Variants in HBS1L observed in about 807,000 individuals in gnomAD.
HBS1L encodes HBS1 like translational GTPase.
HBS1L carries 55 observed loss-of-function variants against 88.9 expected under a neutral mutation model. The ratio of observed to expected loss-of-function variants is 0.62; its 90% CI spans 0.50 to 0.77. The LOEUF is 0.77. Among genes scored for constraint, HBS1L ranks in the 30% least tolerant of loss-of-function variants. The pLI, the probability that HBS1L is intolerant of heterozygous loss-of-function variation, is 0.00. For missense variants in HBS1L, 741 were observed against 829.3 expected (o/e 0.89, Z 1.31); for synonymous variants, 267 against 288.5 (o/e 0.93, Z 0.76).
intron 4 of HBS1L, among the ~76,000 whole-genome samples, chr6:135,032,046 G>A (rs1459291806): frequency 6.6e-6 from 1 of 151,582 alleles, no homozygotes; most frequent in African/African-American, 2.4e-5. Context: ...CTTAAAGAGT[G>A]TTTCTATGTG....
intron 4 of HBS1L, among the ~76,000 whole-genome samples, chr6:135,016,742 A>C (rs909779577): frequency 5.3e-5 from 8 of 150,232 alleles, no homozygotes; most frequent in Admixed American, 3.3e-4. Flanking sequence ...GAGTTCCAGA[A>C]GTTTATTTTA....
intron 2 of HBS1L, among the ~76,000 whole-genome samples, chr6:135,047,081 T>C (rs1233564234): frequency 6.6e-6 from 1 of 152,136 alleles, no homozygotes; most frequent in Non-Finnish European, 1.5e-5. Flanking sequence ...GAAAAGTAAC[T>C]CTCAGAGTCA....
Position 135,050,636 on chromosome 6 carries a change from C to A in HBS1L, c.55G>T (p.Asp19Tyr), listed in dbSNP as rs772534723. ...TCTACAGACTGGCCGTAGAGATCATCATCTTCAAAATCTAAAATAAAGACA... is the reference window on the plus strand; with the variant it reads ...TCTACAGACTGGCCGTAGAGATCATAATCTTCAAAATCTAAAATAAAGACA... ...GYNYDEDFED[D>Y]DLYGQSVEDD... is the part of the protein sequence containing the mutation. Residue 19 changes from aspartate (D) to tyrosine (Y), a missense_variant, in exon 2 of 18, where the codon GAT becomes TAT. This residue lies in a region of HBS1L where 556 missense variants were observed against 598.4 expected (regional missense o/e 0.93). Coordinates refer to ENST00000367837, the MANE Select transcript of HBS1L (RefSeq NM_006620.4). 4 of 1,588,004 alleles carry A rather than the reference C, an allele frequency of 2.5e-6. No individual in the cohort carries two copies. The Admixed American group carries it at 7.0e-5, about 28-fold the overall frequency.
In HBS1L at chr6:134,962,096, C is replaced by T. The variant is rs904429743; in HGVS notation, c.*3183G>A. 2.0e-5 allele frequency: 3 copies of T among 152,124 alleles called. No homozygotes were observed. The highest frequency in any genetic ancestry group is 4.4e-5 in the Non-Finnish European group (3 of 68,018). The allele number at this position is 152,124 out of a possible 1,614,324, so 9.4% of individuals were successfully genotyped here. A position where few individuals can be genotyped will look rare whatever the true frequency, so the allele number is the denominator to read the frequency against. ...CGAGGAAAGGATGAATGTTTTTCTA[C>T]TTACATATTTCTATAAATATTTTAG... On this transcript the variant is annotated 3_prime_UTR_variant, in exon 18 of 18. Coordinates refer to ENST00000367837, the MANE Select transcript of HBS1L (RefSeq NM_006620.4).
At chr6:134,981,735 T>C (rs1774836998) in intron 13 of HBS1L, among the ~76,000 whole-genome samples, 1 of 151,824 alleles carries the variant, frequency 6.6e-6, no homozygotes, top group Non-Finnish European at 1.5e-5. Context: ...GAAGCCAGAA[T>C]AAAAGAGGTA....
chr6:135,050,747 T>C (rs749085354), intron 1 of HBS1L, 100 bp from the exon 2 acceptor site: 1 of 735,166 alleles, frequency 1.4e-6, no homozygotes, highest in Non-Finnish European at 2.2e-6. Flanking sequence ...ATAAACTGTT[T>C]ATCAAAATTT....
intron 13 of HBS1L, 176 bp downstream of exon 13, chr6:134,982,282 G>C: frequency 5.3e-6 from 3 of 567,824 alleles, no homozygotes; most frequent in Non-Finnish European, 9.5e-6. Flanking sequence ...AATCACAACA[G>C]AAAAAAATCG....
chr6:134,994,622 A>G (rs1484951608), intron 7 of HBS1L, among the ~76,000 whole-genome samples: 1 of 152,148 alleles, frequency 6.6e-6, no homozygotes, highest in Admixed American at 6.5e-5. Flanking sequence ...TACACATTAT[A>G]CACATAGCCT....
Position 135,011,084 on chromosome 6 carries a change from T to C in HBS1L, c.431-8242A>G, listed in dbSNP as rs1775759746. On this transcript the variant is annotated intron_variant, in intron 4 of 17. Transcript: ENST00000367837. ...ATACTGGGAACACTGGCAATTCATT[T>C]GGAGAAAAGGCTCTATCATATATAC... Among the ~76,000 whole-genome samples, 2 of 152,192 alleles carry C rather than the reference T, an allele frequency of 1.3e-5. 1 individual carries two copies. The highest frequency in any genetic ancestry group is 4.1e-4 in the South Asian group (2 of 4,828).
intron 16 of HBS1L, 101 bp downstream of exon 16, chr6:134,969,137 T>A: frequency 4.1e-6 from 3 of 725,160 alleles, no homozygotes; most frequent in Non-Finnish European, 7.2e-6. Flanking sequence ...CAAGTAAAAA[T>A]GGGTTTCACT....
chr6:134,968,491 TGCCCGCCTTGGCCTCTCAAAGTGCTAG>T (rs1388544544), intron 16 of HBS1L, among the ~76,000 whole-genome samples: 2 of 152,156 alleles, frequency 1.3e-5, no homozygotes, highest in African/African-American at 4.8e-5. Flanking sequence ...TCAGGTGATC[TGCCCGCCTTGGCCTCTCAAAGTGCTAG>T]GATTACAGGC....
chr6:134,983,348 T>C (rs1253745080), intron 12 of HBS1L: 1 of 152,130 alleles, frequency 6.6e-6, no homozygotes, highest in Non-Finnish European at 1.5e-5. Context: ...ATTTCTGTCT[T>C]AGAGTAGAGG....
intron 13 of HBS1L, among the ~76,000 whole-genome samples, chr6:134,980,196 C>T (rs1397097784): frequency 6.6e-6 from 1 of 151,940 alleles, no homozygotes; most frequent in African/African-American, 2.4e-5. Flanking sequence ...ATAATCCACC[C>T]ATATCTTTCT....
intron 4 of HBS1L, among the ~76,000 whole-genome samples, chr6:135,004,200 A>G (rs1775544742): frequency 6.6e-6 from 1 of 152,004 alleles, no homozygotes; most frequent in African/African-American, 2.4e-5. Flanking sequence ...ATGGTGAAGA[A>G]CAGACGTAAC....
chr6:135,042,204 A>G, intron 2 of HBS1L, 78 bp from the exon 3 acceptor site: 2 of 1,354,580 alleles, frequency 1.5e-6, no homozygotes, highest in Non-Finnish European at 9.9e-7. Context: ...TTAAAGTAAA[A>G]ATTAAAAATT....
chr6:135,029,151 AAAT>A (rs1162571941), intron 4 of HBS1L, among the ~76,000 whole-genome samples: 2 of 152,082 alleles, frequency 1.3e-5, no homozygotes, highest in Non-Finnish European at 1.5e-5. Context: ...ATATGAGAAA[AAAT>A]AATATTTTTT....
At chr6:134,976,386 A>C (rs906555327) in intron 15 of HBS1L, among the ~76,000 whole-genome samples, 1 of 152,182 alleles carries the variant, frequency 6.6e-6, no homozygotes, top group African/African-American at 2.4e-5. Flanking sequence ...CTACCAGTTG[A>C]TCCAGCAGTC....
chr6:135,005,832 T>A (rs780706012), intron 4 of HBS1L, among the ~76,000 whole-genome samples: 3 of 152,204 alleles, frequency 2.0e-5, no homozygotes, highest in Non-Finnish European at 4.4e-5. Context: ...TGAAAATTCC[T>A]AATGGATGCT....
chr6:134,967,657 T>C (rs759843339), intron 16 of HBS1L, among the ~76,000 whole-genome samples: 2 of 152,214 alleles, frequency 1.3e-5, no homozygotes, highest in Admixed American at 1.3e-4. Flanking sequence ...GGATTATATA[T>C]GATGAGCCAA....
Sources: allele counts gnomAD v4.1 joint callset (sites outside exome capture counted in the v4.1 genomes callset), GRCh38; gene constraint gnomAD v4.1.1; regional missense constraint gnomAD v4.1.1; transcripts MANE v1.5; gene names NCBI Gene and HGNC (gene_info 2026-07-23, HGNC 2026-07-21).